The following TENM1 variants were observed in gnomAD, a reference collection of about 807,000 sequenced individuals.
The protein encoded by TENM1 is teneurin-1.
In TENM1, 35 loss-of-function variants were observed where a neutral mutation model predicts 174.8. The observed-to-expected ratio is 0.20, with a 90% CI of 0.15 to 0.27. The LOEUF (loss-of-function observed/expected upper bound fraction) is 0.27. Ranked by LOEUF, TENM1 falls within the 10% of genes least tolerant of loss-of-function variation. The probability of loss-of-function intolerance (pLI) is 1.00; values close to 1 mark genes in which losing one functional copy is unlikely to be tolerated. For synonymous variants in TENM1, 781 were observed against 798.7 expected, an observed-to-expected ratio of 0.98 and a Z score of 0.37; for missense variants, 1,633 against 2,130.1, an observed-to-expected ratio of 0.77 and a Z score of 4.59.
At chrX:124,753,865 T>C (rs1187248550) in intron 3 of TENM1, among the ~76,000 whole-genome samples, 1 of 111,748 alleles carries the variant, frequency 8.9e-6, no homozygotes, top group East Asian at 2.8e-4. Context: ...GATAAGCTTT[T>C]TGATGTGCTG....
At chrX:124,796,988 T>G (rs760417771) in intron 3 of TENM1, among the ~76,000 whole-genome samples, 1 of 111,951 alleles carries the variant, frequency 8.9e-6, no homozygotes, top group African/African-American at 3.2e-5. Context: ...TCAGTCTAAT[T>G]TGAATCAATT....
At chrX:125,054,409 A>G in the TENM1 span, among the ~76,000 whole-genome samples, 1 of 110,852 alleles carries the variant, frequency 9.0e-6, no homozygotes. Flanking sequence ...ATTTCTTTAC[A>G]GCAGTGTGAG....
At chrX:125,084,378 A>ATT in the TENM1 span, among the ~76,000 whole-genome samples, 5 of 108,827 alleles carry the variant, frequency 4.6e-5, no homozygotes, top group Admixed American at 4.9e-4. Context: ...CCTGAAAACT[A>ATT]TTTTTTTTTC....
chrX:125,112,134 T>TTGTGTGTGTGTGTGTG, the TENM1 span, among the ~76,000 whole-genome samples: 119 of 92,715 alleles, frequency 1.3e-3, no homozygotes, highest in African/African-American at 4.4e-3. Flanking sequence ...TTTAATGAAA[T>TTGTGTGTGTGTGTGTG]TGTGTGTGTG....
At chrX:124,753,349 A>T (rs1279194106) in intron 3 of TENM1, among the ~76,000 whole-genome samples, 3 of 106,489 alleles carry the variant, frequency 2.8e-5, no homozygotes, top group East Asian at 2.9e-4. Context: ...GTATCCTGAG[A>T]CTTTGCTGAA....
At chrX:124,558,288 G>A (rs1464824929) in intron 14 of TENM1, among the ~76,000 whole-genome samples, 2 of 111,375 alleles carry the variant, frequency 1.8e-5, no homozygotes, top group Non-Finnish European at 3.8e-5. Context: ...ATACTAATGA[G>A]TATTCAAAGC....
chrX:124,606,530 T>C (rs748501770), intron 11 of TENM1, among the ~76,000 whole-genome samples: 57 of 111,506 alleles, frequency 5.1e-4, no homozygotes, highest in African/African-American at 1.7e-3. Context: ...TGGTGAAAAG[T>C]AGGAAAGAAG....
intron 14 of TENM1, among the ~76,000 whole-genome samples, chrX:124,547,450 G>A (rs2048456698): frequency 8.9e-6 from 1 of 112,079 alleles, no homozygotes; most frequent in African/African-American, 3.2e-5. Context: ...TTCCGAATGC[G>A]ATGATTTCTT....
the TENM1 span, among the ~76,000 whole-genome samples, chrX:125,203,114 C>A: frequency 2.7e-4 from 30 of 112,918 alleles, no homozygotes; most frequent in African/African-American, 9.3e-4. Flanking sequence ...ATAGGGAGGA[C>A]GCATCGGGTG....
At chrX:124,914,450 G>C (rs1297424652) in intron 1 of TENM1, among the ~76,000 whole-genome samples, 1 of 111,383 alleles carries the variant, frequency 9.0e-6, no homozygotes. Context: ...GAATGAAAGA[G>C]GGTAGAGTTT....
intron 15 of TENM1, among the ~76,000 whole-genome samples, chrX:124,545,805 G>A (rs1207910614): frequency 1.8e-5 from 2 of 111,686 alleles, no homozygotes; most frequent in East Asian, 5.6e-4. Context: ...TGGCAGAAAA[G>A]CCCTTTCTTG....
At chrX:124,789,381 C>T (rs183458893) in intron 3 of TENM1, among the ~76,000 whole-genome samples, 18 of 111,823 alleles carry the variant, frequency 1.6e-4, no homozygotes, top group African/African-American at 5.9e-4. Context: ...CTCCTCATTA[C>T]TTATGCAAAT....
the TENM1 span, among the ~76,000 whole-genome samples, chrX:125,044,846 C>T: frequency 5.7e-3 from 640 of 111,571 alleles, 6 homozygotes; most frequent in Non-Finnish European, 9.2e-3. Context: ...GAACATACAA[C>T]AATTACATTT....
At chrX:124,400,642 C>G (rs995111114) in intron 27 of TENM1, among the ~76,000 whole-genome samples, 1 of 112,102 alleles carries the variant, frequency 8.9e-6, no homozygotes, top group Non-Finnish European at 1.9e-5. Context: ...TATAACCTTA[C>G]AACTCAGTCT....
intron 1 of TENM1, among the ~76,000 whole-genome samples, chrX:124,928,979 C>T (rs947471391): frequency 1.2e-4 from 13 of 112,121 alleles, no homozygotes; most frequent in Non-Finnish European, 2.3e-4. Flanking sequence ...CAAACATCTT[C>T]CATGTCAATC....
At chrX:125,067,166 C>A in the TENM1 span, among the ~76,000 whole-genome samples, 1 of 111,034 alleles carries the variant, frequency 9.0e-6, no homozygotes, top group African/African-American at 3.3e-5. Flanking sequence ...ATAAGAGAAC[C>A]TTGGTTTGCA....
chrX:125,132,441 T>C, the TENM1 span, among the ~76,000 whole-genome samples: 8 of 111,558 alleles, frequency 7.2e-5, no homozygotes, highest in South Asian at 3.1e-3. Flanking sequence ...CTTATGCACA[T>C]TGACTTTCTC....
chrX:124,487,841 T>G (rs1047399431), intron 20 of TENM1, among the ~76,000 whole-genome samples: 1 of 112,070 alleles, frequency 8.9e-6, no homozygotes. Context: ...AGAGATAAGA[T>G]AGGAACATCT....
chrX:124,650,069 G>A (rs1312507253), intron 8 of TENM1, among the ~76,000 whole-genome samples: 1 of 108,530 alleles, frequency 9.2e-6, no homozygotes, highest in Non-Finnish European at 1.9e-5. Flanking sequence ...GGGAGTGGTG[G>A]CAGGTGCCTG....
Sources: allele counts gnomAD v4.1 joint callset (sites outside exome capture counted in the v4.1 genomes callset), GRCh38; gene constraint gnomAD v4.1.1; transcripts MANE v1.5; gene names NCBI Gene and HGNC (gene_info 2026-07-23, HGNC 2026-07-21).